CCNC: variants seen among roughly 807,000 people sequenced by gnomAD.
The protein encoded by CCNC is cyclin-C.
In CCNC, 19 loss-of-function variants were observed where a neutral mutation model predicts 50.0. That is an observed-to-expected ratio of 0.38 (90% CI 0.27 to 0.56). CCNC has a LOEUF of 0.56. CCNC is among the 20% of genes least tolerant of loss of function. CCNC has a pLI of 0.72. For missense variants in CCNC, 200 were observed against 327.1 expected (o/e 0.61, Z 3.00); for synonymous variants, 93 against 103.7 (o/e 0.90, Z 0.63).
At chr6:99,568,442 C>T (rs1261142361) in intron 1 of CCNC, 54 bp downstream of exon 1, 6 of 1,557,766 alleles carry the variant, frequency 3.9e-6, no homozygotes, top group East Asian at 2.3e-5. Context: ...CAGGCCCCGT[C>T]CTCACAGCTC....
intron 5 of CCNC, chr6:99,557,808 A>G (rs1802597615): frequency 1.2e-5 from 1 of 81,722 alleles, no homozygotes; most frequent in Non-Finnish European, 2.4e-5. Flanking sequence ...AAAAAAAAAA[A>G]GAAAGAAAAA....
intron 1 of CCNC, among the ~76,000 whole-genome samples, chr6:99,567,330 G>A (rs993844103): frequency 3.3e-5 from 5 of 150,868 alleles, no homozygotes; most frequent in Non-Finnish European, 5.9e-5. Flanking sequence ...CTAAACTTTC[G>A]ATACTTTAAT....
At chr6:99,547,573 G>A (rs1047942383) in intron 9 of CCNC, among the ~76,000 whole-genome samples, 1 of 152,014 alleles carries the variant, frequency 6.6e-6, no homozygotes, top group Non-Finnish European at 1.5e-5. Context: ...TCTCAATCTT[G>A]GCACTACTGA....
rs1802267476 is a variant in CCNC, at chr6:99,550,906, CCT to C, written c.438+85_438+86del. On this transcript the variant is annotated intron_variant, in intron 7 of 11. Transcript: ENST00000520429. ...ATTAGGTGGATGGTTTTAAAATGTA[CCT>C]CTCTAAAATCATTTCTTTAAATAAT... 12 of 667,462 alleles carry C rather than the reference CCT, an allele frequency of 1.8e-5. No individual in the cohort carries two copies. In the East Asian group the frequency reaches 4.8e-4, roughly 26 times the overall value. 41.3% of individuals were successfully genotyped at this position (667,462 alleles called of 1,614,324 possible).
Position 99,561,401 on chromosome 6 carries a change from G to A in CCNC, c.260C>T (p.Ala87Val). Residue 87 changes from alanine (A) to valine (V), a missense_variant, in exon 4 of 12, where the codon GCT becomes GTT. Coordinates refer to ENST00000520429, the MANE Select transcript of CCNC (RefSeq NM_005190.4). ...GGATGCCAAAAACACACATGTAGGA[G>A]CCATTAATACAGGATCTATACTTTT... Reference protein sequence around the residue: ...SLKSIDPVLMAPTCVFLASKV... With the variant: ...SLKSIDPVLMVPTCVFLASKV... 2 of 1,596,678 alleles carry A rather than the reference G, an allele frequency of 1.3e-6. No homozygotes were observed. Among genetic ancestry groups the A allele is most frequent in the Non-Finnish European group, 8.5e-7 (1 of 1,172,548 alleles).
At chr6:99,551,916 AT>A in intron 5 of CCNC, 21 bp from the exon 6 acceptor site, 3 of 1,367,466 alleles carry the variant, frequency 2.2e-6, no homozygotes, top group Non-Finnish European at 2.9e-6. Context: ...TAAAAAAAAA[AT>A]TTAAACTGAG....
chr6:99,563,480 C>G (rs991785633), intron 1 of CCNC, among the ~76,000 whole-genome samples: 2 of 152,136 alleles, frequency 1.3e-5, no homozygotes, highest in Admixed American at 6.5e-5. Context: ...CTATTTTTAA[C>G]CAGATATGAA....
At chr6:99,552,499 G>A (rs1312016716) in intron 5 of CCNC, among the ~76,000 whole-genome samples, 2 of 151,908 alleles carry the variant, frequency 1.3e-5, no homozygotes, top group East Asian at 1.9e-4. Flanking sequence ...CATAAAGTTA[G>A]TACTCTATTA....
intron 1 of CCNC, among the ~76,000 whole-genome samples, chr6:99,564,505 C>A (rs2114415808): frequency 6.6e-6 from 1 of 151,272 alleles, no homozygotes; most frequent in South Asian, 2.1e-4. Context: ...TAGTATGTCA[C>A]TGTTTCTTTT....
rs1004112778 is a variant in CCNC at position 99,561,489 on chromosome 6, G to C, written c.225-53C>G. Reference sequence around the variant, plus strand: ...ATCATTCATACAGAAAACACACTGGGAAAAAAATCAAGATAACTCTATGGT... The same window carrying C: ...ATCATTCATACAGAAAACACACTGGCAAAAAAATCAAGATAACTCTATGGT... On this transcript the variant is annotated intron_variant, in intron 3 of 11. Transcript: ENST00000520429. 11 of 1,411,314 alleles carry C rather than the reference G, an allele frequency of 7.8e-6. No individual in the cohort carries two copies. In the African/African-American group the frequency reaches 1.4e-4, roughly 19 times the overall value. The allele number at this position is 1,411,314 out of a possible 1,614,324, so 87.4% of individuals were successfully genotyped here. A position where few individuals can be genotyped will look rare whatever the true frequency, so the allele number is the denominator to read the frequency against.
rs975613698 is a variant in CCNC at position 99,568,609 on chromosome 6, C to G, written c.-82G>C. 6.4e-7 allele frequency: 1 copy of G among 1,569,180 alleles called. No homozygotes were observed. The highest frequency in any genetic ancestry group is 8.6e-7 in the Non-Finnish European group (1 of 1,158,730). ...ACCATAGACCCAGCCCGTCCGGTAA[C>G]CGCGCTCCTCGATCAAATCAGCTCG... On this transcript the variant is annotated 5_prime_UTR_variant, in exon 1 of 12. Transcript: ENST00000520429.
intron 8 of CCNC, among the ~76,000 whole-genome samples, chr6:99,549,986 G>A (rs1421318563): frequency 6.6e-6 from 1 of 152,022 alleles, no homozygotes; most frequent in Admixed American, 6.5e-5. Flanking sequence ...TCTGTGTTTT[G>A]TATAAAATTA....
rs747179991 is a variant in CCNC at position 99,546,403 on chromosome 6, T to C, written c.670A>G (p.Met224Val). The C allele has an allele frequency of 3.1e-6, 5 of 1,609,508 alleles. No individual in the cohort carries two copies. Among genetic ancestry groups the C allele is most frequent in the South Asian group, 2.2e-5 (2 of 90,926 alleles). The change falls in exon 10 of 12, where the codon ATG becomes GTG. Residue 224 changes from methionine (M) to valine (V), a missense_variant. Met to Val is a conservative substitution (Grantham distance 21). Transcript: ENST00000520429. ...RQWFAELSVD[M>V]EKILEIIRVI... is the part of the protein sequence containing the mutation. ...TACAACTAAGGGAATACCTTTTCCA[T>C]ATCCACAGAAAGCTCAGCAAACCAT...
intron 3 of CCNC, 34 bp downstream of exon 3, chr6:99,561,563 A>G (rs1272300383): frequency 2.7e-6 from 4 of 1,466,474 alleles, no homozygotes; most frequent in East Asian, 2.3e-5. Flanking sequence ...ACATTAGATA[A>G]GAGTTCAAAT....
intron 7 of CCNC, chr6:99,550,671 T>TTTTTTTTTTTTTTTTTTTTTG (rs1802255223): frequency 3.8e-6 from 1 of 262,448 alleles, no homozygotes; most frequent in African/African-American, 2.2e-5. Context: ...AATCTATCTT[T>TTTTTTTTTTTTTTTTTTTTTG]AAATAACACT....
intron 9 of CCNC, among the ~76,000 whole-genome samples, chr6:99,547,281 G>C (rs139390258): frequency 1.1e-4 from 17 of 152,198 alleles, no homozygotes; most frequent in African/African-American, 3.6e-4. Context: ...AAAGCTATGA[G>C]TAGGGCTTAG....
chr6:99,557,788 C>CAAAAAAA, intron 5 of CCNC: 1 of 86,666 alleles, frequency 1.2e-5, no homozygotes, highest in Non-Finnish European at 2.1e-5. Context: ...GACTCTGTCT[C>CAAAAAAA]AAAAAAAAAA....
At chr6:99,555,436 C>T (rs1562491204) in intron 5 of CCNC, among the ~76,000 whole-genome samples, 1 of 150,892 alleles carries the variant, frequency 6.6e-6, no homozygotes, top group African/African-American at 2.4e-5. Context: ...TTGTGGAACT[C>T]TTTTTTTTTT....
chr6:99,543,940 C>T, intron 11 of CCNC: 3 of 1,228,906 alleles, frequency 2.4e-6, no homozygotes, highest in Non-Finnish European at 3.1e-6. Flanking sequence ...TTCTTCTAAA[C>T]AAATTTCCTA....
Sources: gnomAD v4.1 joint callset for allele counts (sites outside exome capture counted in the v4.1 genomes callset) on GRCh38, gnomAD v4.1.1 for gene constraint, MANE v1.5 for transcripts, NCBI Gene and HGNC (gene_info 2026-07-23, HGNC 2026-07-21) for gene names.